Variants in VGLL4 observed in about 807,000 individuals in gnomAD.
The protein encoded by VGLL4 is vestigial like family member 4, also known as transcription cofactor vestigial-like protein 4.
Under a neutral mutation model 21.0 loss-of-function variants are expected in VGLL4, and 7 were observed. The observed-to-expected ratio is 0.33, with a 90% CI of 0.19 to 0.63. The LOEUF is 0.63. Ranked by LOEUF, VGLL4 falls within the 20% of genes least tolerant of loss-of-function variation. VGLL4 has a pLI of 0.78. For synonymous variants in VGLL4, 222 were observed against 173.2 expected, an observed-to-expected ratio of 1.28 and a Z score of -2.21; for missense variants, 394 against 425.7, an observed-to-expected ratio of 0.93 and a Z score of 0.66.
At chr3:11,642,557 C>T (rs992079425) in intron 1 of VGLL4, among the ~76,000 whole-genome samples, 3 of 152,226 alleles carry the variant, frequency 2.0e-5, no homozygotes, top group African/African-American at 7.2e-5. Flanking sequence ...AACACTCTTC[C>T]TGCCAGGCCG....
intron 2 of VGLL4, among the ~76,000 whole-genome samples, chr3:11,580,139 C>G (rs2074184645): frequency 6.6e-6 from 1 of 152,234 alleles, no homozygotes; most frequent in African/African-American, 2.4e-5. Flanking sequence ...TTTTCCTCTT[C>G]CCAAACTCTG....
intron 2 of VGLL4, among the ~76,000 whole-genome samples, chr3:11,592,895 G>A (rs150202674): frequency 1.1e-4 from 17 of 152,162 alleles, no homozygotes; most frequent in Admixed American, 2.6e-4. Flanking sequence ...AAGGGCTCAC[G>A]AGTTGCTGTT....
rs2073404334 is a variant in VGLL4 at position 11,565,095 on chromosome 3, C to T, written c.273-76G>A. 25 of 1,303,856 alleles carry T rather than the reference C, an allele frequency of 1.9e-5. No homozygotes were observed. Among genetic ancestry groups the T allele is most frequent in the Non-Finnish European group, 2.4e-5 (24 of 995,524 alleles). The allele number at this position is 1,303,856 out of a possible 1,614,324, so 80.8% of individuals were successfully genotyped here. On this transcript the variant is annotated intron_variant, in intron 2 of 4. Coordinates refer to ENST00000430365, the MANE Select transcript of VGLL4 (RefSeq NM_001128219.3). This position sits in a 1 kb window ranked among gnomAD's most constrained non-coding sequence, Gnocchi z 4.1. ...GACAGTGACTGTGCGCCAGGCACTC[C>T]GTGTTGCTTATTTAATTTTTTACCC...
At chr3:11,569,165 G>A (rs537894310) in intron 2 of VGLL4, among the ~76,000 whole-genome samples, 2 of 152,324 alleles carry the variant, frequency 1.3e-5, no homozygotes, top group South Asian at 4.1e-4. Context: ...ATTAAAATGA[G>A]TTTCCCACCC....
chr3:11,606,787 A>G (rs182084656), intron 1 of VGLL4, among the ~76,000 whole-genome samples: 1 of 152,324 alleles, frequency 6.6e-6, no homozygotes, highest in East Asian at 1.9e-4. Context: ...AGGGAATAAA[A>G]GCTGGCCACT....
In VGLL4 at chr3:11,558,594, T is replaced by C. The variant is rs756315421; in HGVS notation, c.853A>G (p.Met285Val). 2.5e-6 allele frequency: 4 copies of C among 1,604,674 alleles called. No individual in the cohort carries two copies. Among genetic ancestry groups the C allele is most frequent in the African/African-American group, 1.3e-5 (1 of 74,732 alleles). Residue 285 changes from methionine (M) to valine (V), a missense_variant, in exon 5 of 5, where the codon ATG (methionine) becomes GTG (valine). By Grantham distance (21) the Met-to-Val change is conservative. Coordinates refer to ENST00000430365, the MANE Select transcript of VGLL4 (RefSeq NM_001128219.3). The part of the protein sequence containing the change: ...RGQPASPSAH[M>V]VSHSHSPSVV... ...GAGGGGGAGTGACTGTGGCTGACCA[T>C]GTGGGCAGAGGGGCTGGCGGGCTGG...
intron 1 of VGLL4, among the ~76,000 whole-genome samples, chr3:11,627,865 G>T (rs1173917637): frequency 6.6e-6 from 1 of 152,190 alleles, no homozygotes. Flanking sequence ...AAAGCATCTT[G>T]CTAGGCACTG....
intron 1 of VGLL4, among the ~76,000 whole-genome samples, chr3:11,605,943 G>A (rs981882427): frequency 5.9e-5 from 9 of 152,194 alleles, no homozygotes; most frequent in Non-Finnish European, 1.0e-4. Flanking sequence ...GAGAAGATAT[G>A]AAAATAGCCA....
chr3:11,702,141 T>C (rs903398697), intron 2 of VGLL4, among the ~76,000 whole-genome samples: 1 of 152,138 alleles, frequency 6.6e-6, no homozygotes, highest in African/African-American at 2.4e-5. Flanking sequence ...TGACGTTCGA[T>C]GATTTTTTTT....
chr3:11,675,801 T>A (rs2076281076), intron 2 of VGLL4, among the ~76,000 whole-genome samples: 1 of 152,132 alleles, frequency 6.6e-6, no homozygotes, highest in African/African-American at 2.4e-5. Context: ...CCCAATAGAG[T>A]TGAAATATCC....
rs62636598 is a variant in VGLL4 at position 11,564,965 on chromosome 3, G to A, written c.327C>T (p.Ser109=). The stretch of plus-strand genomic sequence containing the variant: ...TGGGGGCCACAGCGCGCTCGATGGG[G>A]CTGCGGCTCCGCTCCCGGGGGTCTC... ...CRRDPRERSR[S]PIERAVAPTM... is the part of the protein sequence containing the mutation. Residue 109 remains serine (S), a synonymous_variant, in exon 3 of 5, where the codon AGC becomes AGT. Transcript: ENST00000430365. The A allele has an allele frequency of 6.5e-4, 998 of 1,546,636 alleles. 9 individuals are homozygous for A. The African/African-American group carries it at 0.012, about 19-fold the overall frequency.
At chr3:11,559,244 G>A (rs1280625910) in intron 4 of VGLL4, 88 bp downstream of exon 4, 45 of 1,452,770 alleles carry the variant, frequency 3.1e-5, no homozygotes, top group Non-Finnish European at 3.2e-5. Context: ...GGGCTCAGGG[G>A]CGAGAGGTTT....
chr3:11,714,576 A>G (rs1362256677), intron 1 of VGLL4, among the ~76,000 whole-genome samples: 2 of 151,716 alleles, frequency 1.3e-5, no homozygotes, highest in African/African-American at 4.8e-5. Flanking sequence ...ATACAAAAAA[A>G]AAAAGAAAAA....
intron 2 of VGLL4, among the ~76,000 whole-genome samples, chr3:11,701,481 T>A (rs2076680282): frequency 6.6e-6 from 1 of 152,202 alleles, no homozygotes; most frequent in Admixed American, 6.5e-5. Flanking sequence ...AAGACACATG[T>A]TAATACAGAA....
chr3:11,630,961 T>C (rs2125315654), intron 1 of VGLL4, among the ~76,000 whole-genome samples: 1 of 152,368 alleles, frequency 6.6e-6, no homozygotes, highest in East Asian at 1.9e-4. Context: ...GCAAGTTCAT[T>C]CATTATAGTT....
exon 2 of VGLL4, chr3:11,702,974 T>C (rs777919793): frequency 4.3e-6 from 7 of 1,611,596 alleles, no homozygotes; most frequent in Middle Eastern, 1.7e-4. Context: ...CACTTACGTT[T>C]TTCGTCATCA....
At chr3:11,583,313 T>A (rs2074284815) in intron 2 of VGLL4, among the ~76,000 whole-genome samples, 1 of 152,200 alleles carries the variant, frequency 6.6e-6, no homozygotes, top group South Asian at 2.1e-4. Flanking sequence ...AAATAGCATT[T>A]CTGTTCTGGT....
intron 2 of VGLL4, among the ~76,000 whole-genome samples, chr3:11,583,615 G>A (rs2074291272): frequency 6.6e-6 from 1 of 152,202 alleles, no homozygotes; most frequent in Admixed American, 6.5e-5. Context: ...GGGACCAGGT[G>A]AGAAAAAGAG....
At chr3:11,655,831 C>T (rs1326042226) in intron 2 of VGLL4, among the ~76,000 whole-genome samples, 1 of 152,196 alleles carries the variant, frequency 6.6e-6, no homozygotes, top group African/African-American at 2.4e-5. Context: ...GGCCTGTGTA[C>T]TCCTCTGATG....
Sources: gnomAD v4.1 joint callset for allele counts (sites outside exome capture counted in the v4.1 genomes callset) on GRCh38, gnomAD v4.1.1 for gene constraint, Gnocchi (gnomAD v3.1) non-coding constraint, MANE v1.5 for transcripts, NCBI Gene and HGNC (gene_info 2026-07-23, HGNC 2026-07-21) for gene names.